BRD7: variants seen among roughly 807,000 people sequenced by gnomAD.
BRD7 encodes the protein bromodomain containing 7.
Under a neutral mutation model 82.1 loss-of-function variants are expected in BRD7, and 15 were observed. The observed-to-expected ratio is 0.18, with a 90% CI of 0.12 to 0.28. BRD7 has a LOEUF of 0.28. Among genes scored for constraint, BRD7 ranks in the 10% least tolerant of loss-of-function variants. BRD7 has a pLI of 1.00. For synonymous variants in BRD7, 232 were observed against 266.9 expected (o/e 0.87, Z 1.27); for missense variants, 638 against 779.9 (o/e 0.82, Z 2.17).
intron 5 of BRD7, among the ~76,000 whole-genome samples, chr16:50,342,275 G>C (rs1255624726): frequency 6.6e-6 from 1 of 152,082 alleles, no homozygotes; most frequent in Non-Finnish European, 1.5e-5. Context: ...ATTTTCACCA[G>C]ATAAAAAGTT....
Position 50,319,187 on chromosome 16 carries a change from T to C in BRD7, c.*24A>G. On this transcript the variant is annotated 3_prime_UTR_variant, in exon 17 of 17. Transcript: ENST00000394688. ...TAAGAATGAAAAAGTATGTACATAA[T>C]ATATAATCAAATACCAGGCAGCCTC... 1 of 1,571,406 alleles carries C rather than the reference T, an allele frequency of 6.4e-7. No homozygotes were observed. Among genetic ancestry groups the C allele is most frequent in the East Asian group, 2.2e-5 (1 of 44,592 alleles).
At chr16:50,333,346 C>T (rs148815873) in intron 8 of BRD7, among the ~76,000 whole-genome samples, 127 of 152,308 alleles carry the variant, frequency 8.3e-4, no homozygotes, top group African/African-American at 2.5e-3. Context: ...ACATCCAACA[C>T]GCCCACTGTA....
intron 2 of BRD7, among the ~76,000 whole-genome samples, chr16:50,367,152 T>C (rs941826199): frequency 1.1e-4 from 16 of 152,254 alleles, no homozygotes; most frequent in African/African-American, 3.9e-4. Context: ...TATGAAAATT[T>C]ACCTTCACAA....
intron 8 of BRD7, among the ~76,000 whole-genome samples, chr16:50,333,236 C>T (rs1010590538): frequency 2.0e-5 from 3 of 152,122 alleles, no homozygotes; most frequent in Non-Finnish European, 4.4e-5. Flanking sequence ...AATTTTAGAA[C>T]ATATTATAAC....
chr16:50,333,784 C>A, intron 7 of BRD7, 87 bp from the exon 8 acceptor site: 1 of 1,153,378 alleles, frequency 8.7e-7, no homozygotes. Context: ...ATGAATACAA[C>A]TAAAGTGGAG....
rs577788910 is a variant in BRD7 at position 50,333,496 on chromosome 16, C to T, written c.1011+78G>A. 7,142 of 1,554,300 alleles carry T rather than the reference C, an allele frequency of 4.6e-3. 23 individuals carry two copies. Among genetic ancestry groups the T allele is most frequent in the Non-Finnish European group, 5.7e-3 (6,520 of 1,145,152 alleles). On this transcript the variant is annotated intron_variant, in intron 8 of 16. Coordinates refer to ENST00000394688, the MANE Select transcript of BRD7 (RefSeq NM_013263.5). ...CTATGGCAGATATGGATTAAAAATA[C>T]GCAAGCAATTTAAAAACTAAAAGTT...
rs1227005544 is a variant in BRD7 at position 50,317,621 on chromosome 16, A to ATAGTT, written c.*1585_*1589dup. On this transcript the variant is annotated 3_prime_UTR_variant, in exon 17 of 17. Transcript: ENST00000394688. The stretch of plus-strand genomic sequence containing the variant: ...AGCACTGTGCTGTGCTCAGATAATA[A>ATAGTT]TAGTTTGTAAGTAAAAGTTTTTAGT... 2.6e-5 allele frequency: 4 copies of ATAGTT among 152,510 alleles called. No individual in the cohort carries two copies. Among genetic ancestry groups the ATAGTT allele is most frequent in the South Asian group, 4.1e-4 (2 of 4,832 alleles). The allele number at this position is 152,510 out of a possible 1,614,324, so 9.4% of individuals were successfully genotyped here.
At chr16:50,354,574 TATCTC>T in intron 3 of BRD7, 92 bp from the exon 4 acceptor site, 1 of 1,231,576 alleles carries the variant, frequency 8.1e-7, no homozygotes, top group East Asian at 2.4e-5. Context: ...CATTATTAAA[TATCTC>T]ATACAGAAAT....
At chr16:50,343,904 G>C (rs1297961232) in intron 5 of BRD7, among the ~76,000 whole-genome samples, 3 of 152,188 alleles carry the variant, frequency 2.0e-5, no homozygotes, top group Admixed American at 1.3e-4. Flanking sequence ...TGACAGCTTT[G>C]AAGAGAGTAG....
chr16:50,368,175 T>G lies in BRD7; in HGVS notation c.173A>C (p.His58Pro), dbSNP rs746214601. ...LFEDKNDHDK[H>P]KDRKRKKRKK... ...TCTCTTTTTCCGCTTTCTGTCCTTG[T>G]GTTTGTCATGATCGTTTTTGTCTTC... Residue 58 changes from histidine to proline, a missense_variant, in exon 2 of 17, where the codon CAC (histidine) becomes CCC (proline). His to Pro is a moderately conservative substitution (Grantham distance 77). This residue lies in a region of BRD7 where 172 missense variants were observed against 155.3 expected (regional missense o/e 1.11). Coordinates refer to ENST00000394688, the MANE Select transcript of BRD7 (RefSeq NM_013263.5). The G allele has an allele frequency of 4.3e-6, 7 of 1,614,198 alleles. No individual in the cohort carries two copies. The highest frequency in any genetic ancestry group is 2.2e-5 in the East Asian group (1 of 44,888).
chr16:50,325,750 G>A lies in BRD7; in HGVS notation c.1329C>T (p.Phe443=). The change falls in exon 11 of 17, where the codon TTC becomes TTT. Residue 443 remains phenylalanine (F), a splice_region_variant and synonymous_variant. Transcript: ENST00000394688. The part of the protein sequence containing the change: ...YGEDSDLPSD[F]SIHEFLATCQ... ...CAGAATATTAACTGGAAACTCACCT[G>A]AAATCACTTGGAAGATCAGAGTCTT... is the stretch of plus-strand genomic sequence containing the variant. 1 of 1,591,758 alleles carries A rather than the reference G, an allele frequency of 6.3e-7. No homozygotes were observed.
At chr16:50,320,132 A>AC (rs377516789) in intron 15 of BRD7, 102 bp from the exon 16 acceptor site, 10 of 474,556 alleles carry the variant, frequency 2.1e-5, no homozygotes, top group Admixed American at 1.4e-4. Context: ...ACAAAACAAA[A>AC]AAACTGTCCC....
Position 50,318,216 on chromosome 16 carries a change from C to CTCTT in BRD7, c.*991_*994dup, listed in dbSNP as rs1215170410. ...AGACTCAAACAACTTGAAAATTTGACTCTTTTAGCATAAGATTTTAAGTCT... is the reference window on the plus strand; with the variant it reads ...AGACTCAAACAACTTGAAAATTTGACTCTTTCTTTTAGCATAAGATTTTAAGTCT... On this transcript the variant is annotated 3_prime_UTR_variant, in exon 17 of 17. Transcript: ENST00000394688. The CTCTT allele has an allele frequency of 2.6e-5, 4 of 152,326 alleles. No homozygotes were observed. The highest frequency in any genetic ancestry group is 4.1e-4 in the South Asian group (2 of 4,830). The allele number at this position is 152,326 out of a possible 1,614,324, so 9.4% of individuals were successfully genotyped here.
chr16:50,316,208 C>T lies in BRD7; in HGVS notation c.*3003G>A, dbSNP rs1315681413. ...TATGCTCTGCCTTTTTAACCACTGA[C>T]ATGTAAGGAGGACTACTGTCTAGCA... On this transcript the variant is annotated 3_prime_UTR_variant, in exon 17 of 17. Transcript: ENST00000394688. 1.3e-5 allele frequency: 2 copies of T among 152,428 alleles called. No individual in the cohort carries two copies. Among genetic ancestry groups the T allele is most frequent in the Non-Finnish European group, 2.9e-5 (2 of 68,130 alleles). 9.4% of individuals were successfully genotyped at this position (152,428 alleles called of 1,614,324 possible).
At position 50,317,504 on chromosome 16, in the gene BRD7, T is replaced by TTTTTCTTCA. The variant is rs1163465744; in HGVS notation, c.*1698_*1706dup. 1 of 152,370 alleles carries TTTTTCTTCA rather than the reference T, an allele frequency of 6.6e-6. No individual in the cohort carries two copies. Among genetic ancestry groups the TTTTTCTTCA allele is most frequent in the African/African-American group, 2.4e-5 (1 of 41,454 alleles). The allele number at this position is 152,370 out of a possible 1,614,324, so 9.4% of individuals were successfully genotyped here. ...TATTTGTACTCTTGGAATATTTGTT[T>TTTTTCTTCA]TTTTCTTCAGTAACAACAGAAACCC... On this transcript the variant is annotated 3_prime_UTR_variant, in exon 17 of 17. Coordinates refer to ENST00000394688, the MANE Select transcript of BRD7 (RefSeq NM_013263.5).
rs563595264 is a variant in BRD7, at chr16:50,317,751, T to C, written c.*1460A>G. ...ATTACCAAGTAATTACTGGTGTCAT[T>C]TTGTTTTATGACAGACACACGTATC... On this transcript the variant is annotated 3_prime_UTR_variant, in exon 17 of 17. Transcript: ENST00000394688. 7.9e-5 allele frequency: 12 copies of C among 152,490 alleles called. No homozygotes were observed. Among genetic ancestry groups the C allele is most frequent in the African/African-American group, 2.9e-4 (12 of 41,584 alleles). The allele number at this position is 152,490 out of a possible 1,614,324, so 9.4% of individuals were successfully genotyped here. A position where few individuals can be genotyped will look rare whatever the true frequency, so the allele number is the denominator to read the frequency against.
chr16:50,363,843 C>T (rs1049495937), intron 2 of BRD7, among the ~76,000 whole-genome samples: 1 of 151,924 alleles, frequency 6.6e-6, no homozygotes, highest in African/African-American at 2.4e-5. Context: ...ATCACCTGAC[C>T]CCAGAAGTTT....
At chr16:50,363,641 T>A (rs118094139) in intron 2 of BRD7, among the ~76,000 whole-genome samples, 1 of 149,068 alleles carries the variant, frequency 6.7e-6, no homozygotes, top group African/African-American at 2.5e-5. Context: ...CGTTGTGTGT[T>A]TGTGTGTGTG....
chr16:50,355,532 C>G (rs972018381), intron 2 of BRD7, among the ~76,000 whole-genome samples: 5 of 152,188 alleles, frequency 3.3e-5, no homozygotes, highest in Admixed American at 2.0e-4. Flanking sequence ...CAGAAGAGAT[C>G]AGAGCCCAGA....
Sources: allele counts gnomAD v4.1 joint callset (sites outside exome capture counted in the v4.1 genomes callset), GRCh38; gene constraint gnomAD v4.1.1; regional missense constraint gnomAD v4.1.1; transcripts MANE v1.5; gene names NCBI Gene and HGNC (gene_info 2026-07-23, HGNC 2026-07-21).